COMMD5: variants seen among roughly 807,000 people sequenced by gnomAD.
COMMD5 encodes COMM domain containing 5.
COMMD5 carries 10 observed loss-of-function variants against 6.9 expected under a neutral mutation model. The observed-to-expected ratio is 1.44, with a 90% confidence interval of 0.89 to 2.45. The LOEUF (loss-of-function observed/expected upper bound fraction) is 2.45. Ranked by LOEUF, COMMD5 falls within the 30% of genes most tolerant of loss-of-function variation. COMMD5 has a pLI of 0.00. For missense variants in COMMD5, 234 were observed against 287.8 expected (o/e 0.81, Z 1.35); for synonymous variants, 127 against 125.3 (o/e 1.01, Z -0.09).
At chr8:144,849,298 G>A (rs926988972), downstream of COMMD5, among the ~76,000 whole-genome samples, 1 of 152,208 alleles carries the variant, frequency 6.6e-6, no homozygotes, top group Non-Finnish European at 1.5e-5. Context: ...CTCAGTGAGG[G>A]TGGGACAAAG....
In COMMD5 at chr8:144,842,956, G is replaced by C. The variant is rs771768452; in HGVS notation, c.*117-1213C>G. The C allele has an allele frequency of 5.0e-6, 8 of 1,614,078 alleles. No individual in the cohort carries two copies. The highest frequency in any genetic ancestry group is 5.9e-6 in the Non-Finnish European group (7 of 1,180,048). ...GTTTTACGAATATGGGAATGCCCTG[G>C]AAGGGTCCACCTTTGTGAGCCGTAA... is the stretch of plus-strand genomic sequence containing the variant. On this transcript the variant is annotated intron_variant and NMD_transcript_variant, in intron 1 of 1. Transcript: ENST00000530332.
chr8:144,841,673 A>G (rs1213495877), exon 2 of COMMD5: 1 of 1,614,182 alleles, frequency 6.2e-7, no homozygotes, highest in East Asian at 2.2e-5. Context: ...AGTCAGGGAG[A>G]GAGTGCGGAA....
chr8:144,845,612 T>G (rs899032618), downstream of COMMD5, among the ~76,000 whole-genome samples: 8 of 152,204 alleles, frequency 5.3e-5, no homozygotes, highest in Non-Finnish European at 1.0e-4. Flanking sequence ...AGCATCTAAT[T>G]AAGGCTGATA....
At chr8:144,841,174 G>T in exon 2 of COMMD5, 1 of 664,230 alleles carries the variant, frequency 1.5e-6, no homozygotes. Flanking sequence ...AAGGTAAAAA[G>T]TATGAAACCA....
exon 2 of COMMD5, chr8:144,841,298 C>G: frequency 6.6e-7 from 1 of 1,520,356 alleles, no homozygotes; most frequent in Non-Finnish European, 8.8e-7. Flanking sequence ...CATTTGTAGT[C>G]TTATCATTTC....
exon 2 of COMMD5, chr8:144,841,232 TG>T: frequency 2.0e-6 from 2 of 978,226 alleles, no homozygotes; most frequent in Non-Finnish European, 3.0e-6. Context: ...CGTTTCCACC[TG>T]GGGCCTCACA....
chr8:144,848,342 T>C (rs180850184), downstream of COMMD5, among the ~76,000 whole-genome samples: 97 of 151,732 alleles, frequency 6.4e-4, no homozygotes, highest in Non-Finnish European at 1.2e-3. Flanking sequence ...TAAAAAAATA[T>C]CATTGGAGGC....
exon 2 of COMMD5, chr8:144,841,269 C>G (rs1359347101): frequency 7.2e-7 from 1 of 1,385,336 alleles, no homozygotes; most frequent in African/African-American, 1.4e-5. Context: ...ATCCTGGGAG[C>G]CTTGAGCCCT....
downstream of COMMD5, chr8:144,845,932 C>A (rs993326504): frequency 5.9e-6 from 9 of 1,523,770 alleles, no homozygotes; most frequent in African/African-American, 1.4e-5. Context: ...CAGGTGGTCA[C>A]CTTCAGGTCT....
chr8:144,850,934 C>T lies in COMMD5; in HGVS notation c.405G>A (p.Arg135=), dbSNP rs1461690647. 6.2e-7 allele frequency: 1 copy of T among 1,607,420 alleles called. No homozygotes were observed. The highest frequency in any genetic ancestry group is 1.1e-5 in the South Asian group (1 of 90,328). ...DLASVVFGSQ[R]PLLDSVAQQQ... is the part of the protein sequence containing the mutation. ...GCTGGGCCACAGAATCAAGGAGGGG[C>T]CGCTGGCTCCCAAATACCACGCTGG... The change falls in exon 2 of 2, where the codon CGG becomes CGA. Residue 135 remains arginine (R), a synonymous_variant. Coordinates refer to ENST00000305103, the MANE Select transcript of COMMD5 (RefSeq NM_014066.4). This position sits in a 1 kb window ranked among gnomAD's most constrained non-coding sequence, Gnocchi z 4.0.
At chr8:144,845,825 C>G (rs977494389), downstream of COMMD5, among the ~76,000 whole-genome samples, 1 of 152,242 alleles carries the variant, frequency 6.6e-6, no homozygotes, top group African/African-American at 2.4e-5. Flanking sequence ...ATGCCCTACT[C>G]ACACCGGAAC....
exon 2 of COMMD5, chr8:144,841,577 C>T (rs1829914802): frequency 6.2e-7 from 1 of 1,614,170 alleles, no homozygotes; most frequent in Non-Finnish European, 8.5e-7. Context: ...AATGAGGAGA[C>T]TGTGGTTCCC....
intron 1 of COMMD5, among the ~76,000 whole-genome samples, chr8:144,844,493 G>A (rs543762394): frequency 1.3e-4 from 19 of 151,880 alleles, no homozygotes; most frequent in African/African-American, 3.4e-4. Flanking sequence ...GGTGGATCAT[G>A]AGGTCAGGAG....
chr8:144,850,787 A>C lies in COMMD5; in HGVS notation c.552T>G (p.Asp184Glu). ...PSVLMQLKLS[D>E]GSAYRFEVPT... The stretch of plus-strand genomic sequence containing the variant: ...GGACCTCAAAGCGGTATGCTGACCC[A>C]TCTGAAAGCTTCAGCTGCATCAGGA... Residue 184 changes from aspartate to glutamate, a missense_variant, in exon 2 of 2, where the codon GAT becomes GAG. By Grantham distance (45) the Asp-to-Glu change is conservative. Transcript: ENST00000305103. This position sits in a 1 kb window ranked among gnomAD's most constrained non-coding sequence, Gnocchi z 4.0. 6.2e-7 allele frequency: 1 copy of C among 1,614,142 alleles called. No individual in the cohort carries two copies. The highest frequency in any genetic ancestry group is 8.5e-7 in the Non-Finnish European group (1 of 1,180,042).
Position 144,850,326 on chromosome 8 carries a change from G to C in COMMD5, c.*338C>G. On this transcript the variant is annotated 3_prime_UTR_variant, in exon 2 of 2. Transcript: ENST00000305103. The surrounding 1 kb of genome is among the most constrained non-coding windows in gnomAD (Gnocchi z 4.0). Reference sequence around the variant, plus strand: ...TCTACAAAAGCACCTGGCTACATGGGGCCAGGCTGAGCAACTGTATGTTGT... The same window carrying C: ...TCTACAAAAGCACCTGGCTACATGGCGCCAGGCTGAGCAACTGTATGTTGT... The C allele has an allele frequency of 4.3e-6, 1 of 233,452 alleles. No individual in the cohort carries two copies. Among genetic ancestry groups the C allele is most frequent in the Non-Finnish European group, 8.4e-6 (1 of 118,680 alleles). 14.5% of individuals were successfully genotyped at this position (233,452 alleles called of 1,614,324 possible).
rs1830812161 is a variant in COMMD5, at chr8:144,852,874, T to G, written c.-93A>C. On this transcript the variant is annotated 5_prime_UTR_variant, in exon 1 of 2. Coordinates refer to ENST00000305103, the MANE Select transcript of COMMD5 (RefSeq NM_014066.4). ...TCCTCCGCGGAAAAGCCCCGCAGTA[T>G]CCAGAGCTCTCCGAACACAGCGGCG... 6.6e-6 allele frequency: 1 copy of G among 152,314 alleles called. No homozygotes were observed. Among genetic ancestry groups the G allele is most frequent in the Non-Finnish European group, 1.5e-5 (1 of 68,124 alleles). The allele number at this position is 152,314 out of a possible 1,614,324, so 9.4% of individuals were successfully genotyped here. A position where few individuals can be genotyped will look rare whatever the true frequency, so the allele number is the denominator to read the frequency against.
At chr8:144,844,308 G>C (rs554655366) in intron 1 of COMMD5, among the ~76,000 whole-genome samples, 1 of 152,174 alleles carries the variant, frequency 6.6e-6, no homozygotes, top group East Asian at 1.9e-4. Flanking sequence ...CAGCACACCC[G>C]TGTGCGCACA....
Position 144,841,803 on chromosome 8 carries a change from ATCT to A in COMMD5, c.*117-63_*117-61del, listed in dbSNP as rs745643294. On this transcript the variant is annotated intron_variant and NMD_transcript_variant, in intron 1 of 1. Transcript: ENST00000530332. ...GATGTCAAGAATGCCAAAAAAAGTT[ATCT>A]GACTGCTTGCAGGGGAAACATACAA... 5.0e-6 allele frequency: 8 copies of A among 1,614,242 alleles called. No individual in the cohort carries two copies. In the South Asian group the frequency reaches 8.8e-5, roughly 18 times the overall value.
downstream of COMMD5, among the ~76,000 whole-genome samples, chr8:144,848,551 T>C (rs553742837): frequency 2.6e-5 from 4 of 151,870 alleles, no homozygotes; most frequent in African/African-American, 9.7e-5. Context: ...TGTTTACGTA[T>C]TGTGTGACTG....
Sources: gnomAD v4.1 joint callset for allele counts (sites outside exome capture counted in the v4.1 genomes callset) on GRCh38, gnomAD v4.1.1 for gene constraint, Gnocchi (gnomAD v3.1) non-coding constraint, MANE v1.5 for transcripts, NCBI Gene and HGNC (gene_info 2026-07-23, HGNC 2026-07-21) for gene names.